The following SYMPK variants were observed in gnomAD, a reference collection of about 807,000 sequenced individuals.
The protein encoded by SYMPK is symplekin.
A neutral mutation model predicts 136.4 loss-of-function variants in SYMPK; 49 were observed. The observed-to-expected ratio is 0.36, with a 90% CI of 0.29 to 0.46. The LOEUF is 0.46. Ranked by LOEUF, SYMPK falls within the 20% of genes least tolerant of loss-of-function variation. The probability of loss-of-function intolerance (pLI) is 1.00; values close to 1 mark genes in which losing one functional copy is unlikely to be tolerated. For synonymous variants in SYMPK, 766 were observed against 713.0 expected (o/e 1.07, Z -1.19); for missense variants, 1,365 against 1,690.0 (o/e 0.81, Z 3.37).
At chr19:45,815,812 TC>T in intron 26 of SYMPK, 38 bp downstream of exon 26, 3 of 1,603,466 alleles carry the variant, frequency 1.9e-6, no homozygotes, top group Non-Finnish European at 2.6e-6. Flanking sequence ...CCGGCCCAGA[TC>T]CGGCTTCTTC....
chr19:45,817,582 C>T (rs1970783577), intron 23 of SYMPK, among the ~76,000 whole-genome samples: 2 of 151,986 alleles, frequency 1.3e-5, no homozygotes, highest in African/African-American at 4.8e-5. Flanking sequence ...CAGGTGTGAA[C>T]CATCACACCT....
At position 45,827,475 on chromosome 19, in the gene SYMPK, G is replaced by A. The variant is rs769258998; in HGVS notation, c.2181+35C>T. 4 of 1,546,046 alleles carry A rather than the reference G, an allele frequency of 2.6e-6. No homozygotes were observed. The Admixed American group carries it at 5.0e-5, about 19-fold the overall frequency. ...TAGAGGCGGCCTCTGCAAGCTGCAG[G>A]CTGAGGGCAGCCAGGAAGTGGAGGA... On this transcript the variant is annotated intron_variant, in intron 16 of 26. Transcript: ENST00000245934.
Position 45,815,486 on chromosome 19 carries a change from C to A in SYMPK, c.*74G>T. 8.2e-7 allele frequency: 1 copy of A among 1,226,740 alleles called. No homozygotes were observed. The highest frequency in any genetic ancestry group is 1.1e-6 in the Non-Finnish European group (1 of 905,678). The allele number at this position is 1,226,740 out of a possible 1,614,324, so 76.0% of individuals were successfully genotyped here. On this transcript the variant is annotated 3_prime_UTR_variant, in exon 27 of 27. Coordinates refer to ENST00000245934, the MANE Select transcript of SYMPK (RefSeq NM_004819.3). ...TCTTTTATTTCTTTTTAAGGCAAAG[C>A]ACCCGCAGGTCAAGCCCCGCCCCGT...
chr19:45,818,195 T>TG, intron 22 of SYMPK, 49 bp from the exon 23 acceptor site: 3 of 1,473,398 alleles, frequency 2.0e-6, no homozygotes, highest in Non-Finnish European at 2.7e-6. Flanking sequence ...AGCTGCCCCC[T>TG]GGGAGGTGGG....
intron 12 of SYMPK, 90 bp downstream of exon 12, chr19:45,831,294 C>T: frequency 5.1e-6 from 4 of 782,468 alleles, no homozygotes; most frequent in South Asian, 2.7e-5. Context: ...CACACACACA[C>T]GCACACGCAC....
At chr19:45,854,710 G>A (rs1431210768) in intron 1 of SYMPK, 7 of 554,784 alleles carry the variant, frequency 1.3e-5, no homozygotes, top group Non-Finnish European at 1.6e-5. Context: ...ACTTGGGGGA[G>A]ACTGACATCT....
chr19:45,838,724 G>T, intron 9 of SYMPK, 109 bp from the exon 10 acceptor site: 1 of 1,240,994 alleles, frequency 8.1e-7, no homozygotes, highest in Non-Finnish European at 1.1e-6. Flanking sequence ...CAGCAAACAG[G>T]AGCAAACAGC....
rs764913431 is a variant in SYMPK, at chr19:45,821,365, TG to T, written c.2893+18del. 7.5e-6 allele frequency: 12 copies of T among 1,594,216 alleles called. No individual in the cohort carries two copies. Among genetic ancestry groups the T allele is most frequent in the Non-Finnish European group, 9.4e-6 (11 of 1,164,810 alleles). On this transcript the variant is annotated intron_variant, in intron 22 of 26. Coordinates refer to ENST00000245934, the MANE Select transcript of SYMPK (RefSeq NM_004819.3). This position sits in a 1 kb window ranked among gnomAD's most constrained non-coding sequence, Gnocchi z 4.4. ...CGTCGCAGGGGCCAGGCCACTGGAG[TG>T]GGGGGGAAGCGCCTCACCTTTGATG... is the stretch of plus-strand genomic sequence containing the variant.
At chr19:45,837,616 CAAA>C (rs58960244) in intron 10 of SYMPK, among the ~76,000 whole-genome samples, 2 of 77,554 alleles carry the variant, frequency 2.6e-5, no homozygotes, top group Non-Finnish European at 4.8e-5. Context: ...GACTCTGCCT[CAAA>C]AAAAAAAAAA....
Position 45,826,318 on chromosome 19 carries a change from C to T in SYMPK, c.2237G>A (p.Arg746Gln), listed in dbSNP as rs374631540. Residue 746 changes from arginine to glutamine, a missense_variant, in exon 17 of 27, where the codon CGG becomes CAG. This residue lies in a region of SYMPK where 303 missense variants were observed against 326.6 expected (regional missense o/e 0.93). Coordinates refer to ENST00000245934, the MANE Select transcript of SYMPK (RefSeq NM_004819.3). ...IKRMYEKEQL[R>Q]EYVEKFALNY... ...GAGGGCAAATTTCTCCACATACTCC[C>T]GCAGCTGCTCCTTCTCATACATGCG... 9.2e-5 allele frequency: 149 copies of T among 1,614,132 alleles called. No homozygotes were observed. The highest frequency in any genetic ancestry group is 1.2e-4 in the South Asian group (11 of 91,062).
At chr19:45,846,492 C>T (rs1568622384) in intron 7 of SYMPK, among the ~76,000 whole-genome samples, 2 of 152,146 alleles carry the variant, frequency 1.3e-5, no homozygotes, top group African/African-American at 4.8e-5. Context: ...GCCATAATAA[C>T]GATCCCCAAT....
intron 24 of SYMPK, 87 bp downstream of exon 24, chr19:45,816,711 A>C: frequency 1.3e-6 from 2 of 1,490,930 alleles, no homozygotes. Flanking sequence ...GCCTCCATCC[A>C]GTCCCCACCA....
At chr19:45,854,071 T>G in intron 3 of SYMPK, 104 bp downstream of exon 3, 1 of 1,104,570 alleles carries the variant, frequency 9.1e-7, no homozygotes, top group Non-Finnish European at 1.4e-6. Context: ...CGGCACACAC[T>G]GAGTGTGTAA....
intron 20 of SYMPK, 148 bp from the exon 21 acceptor site, chr19:45,822,994 C>T (rs948794172): frequency 1.0e-5 from 7 of 681,716 alleles, no homozygotes; most frequent in African/African-American, 3.6e-5. Flanking sequence ...ACCCTCAGGG[C>T]GGAGCTTTCT....
chr19:45,845,332 C>G (rs1971534643), intron 7 of SYMPK, among the ~76,000 whole-genome samples: 1 of 152,090 alleles, frequency 6.6e-6, no homozygotes, highest in Admixed American at 6.6e-5. Context: ...ATTAACCATT[C>G]CCACTTCCTC....
At position 45,816,100 on chromosome 19, in the gene SYMPK, C is replaced by T; in HGVS notation, c.3438G>A (p.Glu1146=). The change falls in exon 26 of 27, where the codon GAG becomes GAA. Residue 1146 remains glutamate, a synonymous_variant. Coordinates refer to ENST00000245934, the MANE Select transcript of SYMPK (RefSeq NM_004819.3). ...QDLIGLRLAQ[E]KALKRQLEEE... ...CCTCCAGCTGCCGCTTTAAGGCCTT[C>T]TCCTGGGCCAGTCGCAGGCCGATGA... The T allele has an allele frequency of 6.4e-7, 1 of 1,556,322 alleles. No homozygotes were observed. Among genetic ancestry groups the T allele is most frequent in the Non-Finnish European group, 8.7e-7 (1 of 1,149,928 alleles).
At chr19:45,846,833 A>C in intron 7 of SYMPK, among the ~76,000 whole-genome samples, 1 of 150,440 alleles carries the variant, frequency 6.6e-6, no homozygotes, top group African/African-American at 2.5e-5. Context: ...TCATTCTGTC[A>C]CCCAGGCTGG....
At position 45,815,447 on chromosome 19, in the gene SYMPK, T is replaced by G; in HGVS notation, c.*113A>C. On this transcript the variant is annotated 3_prime_UTR_variant, in exon 27 of 27. Coordinates refer to ENST00000245934, the MANE Select transcript of SYMPK (RefSeq NM_004819.3). ...CTTTTTTTTTTTCTTTTCAGTAACT[T>G]GCCCAAGTTCACATCTTTTATTTCT... 1 of 1,139,604 alleles carries G rather than the reference T, an allele frequency of 8.8e-7. No homozygotes were observed. The highest frequency in any genetic ancestry group is 3.0e-4 in the Middle Eastern group (1 of 3,326). 70.6% of individuals were successfully genotyped at this position (1,139,604 alleles called of 1,614,324 possible).
At chr19:45,860,763 T>G (rs1037188614) in intron 1 of SYMPK, among the ~76,000 whole-genome samples, 1 of 152,168 alleles carries the variant, frequency 6.6e-6, no homozygotes, top group Admixed American at 6.5e-5. Flanking sequence ...CCTACCTCAT[T>G]TTCCCAAGTA....
Sources: allele counts gnomAD v4.1 joint callset (sites outside exome capture counted in the v4.1 genomes callset), GRCh38; gene constraint gnomAD v4.1.1; regional missense constraint gnomAD v4.1.1; non-coding constraint Gnocchi (gnomAD v3.1); transcripts MANE v1.5; gene names NCBI Gene and HGNC (gene_info 2026-07-23, HGNC 2026-07-21).